Variants in MAP3K14 observed in about 807,000 individuals in gnomAD.
MAP3K14 encodes the protein mitogen-activated protein kinase kinase kinase 14.
In MAP3K14, 16 loss-of-function variants were observed where a neutral mutation model predicts 99.2. The ratio of observed to expected loss-of-function variants is 0.16; its 90% CI spans 0.11 to 0.24. The LOEUF is 0.24. Ranked by LOEUF, MAP3K14 falls within the 10% of genes least tolerant of loss-of-function variation. MAP3K14 has a pLI of 1.00. For missense variants in MAP3K14, 784 were observed against 1,208.7 expected (o/e 0.65, Z 5.21); for synonymous variants, 462 against 492.4 (o/e 0.94, Z 0.82).
chr17:45,291,211 C>G (rs1008780337), intron 1 of MAP3K14, among the ~76,000 whole-genome samples: 1 of 152,162 alleles, frequency 6.6e-6, no homozygotes, highest in East Asian at 1.9e-4. Flanking sequence ...TGGAGAGGAC[C>G]TGTTGGCACA....
chr17:45,273,546 A>G lies in MAP3K14; in HGVS notation c.1614T>C (p.Ala538=). Residue 538 remains alanine (A), a synonymous_variant, in exon 9 of 16, where the codon GCT becomes GCC. Transcript: ENST00000344686. ...SHAALCDFGH[A]VCLQPDGLGK... ...CCAGGCCATCAGGTTGAAGACACAC[A>G]GCATGGCCAAAGTCACAGAGGGCTG... is the stretch of plus-strand genomic sequence containing the variant. 1.9e-6 allele frequency: 3 copies of G among 1,613,598 alleles called. No individual in the cohort carries two copies. Among genetic ancestry groups the G allele is most frequent in the Non-Finnish European group, 2.5e-6 (3 of 1,179,774 alleles).
At position 45,286,848 on chromosome 17, in the gene MAP3K14, G is replaced by T; in HGVS notation, c.735C>A (p.Pro245=). The change falls in exon 5 of 16, where the codon CCC becomes CCA. Residue 245 remains proline (P), a synonymous_variant. Coordinates refer to ENST00000344686, the MANE Select transcript of MAP3K14 (RefSeq NM_003954.5). This position sits in a 1 kb window ranked among gnomAD's most constrained non-coding sequence, Gnocchi z 4.1. ...GCAGGGGCAGGGGGCCTCCGTCCTG[G>T]GGGTGGTGCAGTTTCCACACGTGGT... ...CLNHVWKLHH[P]QDGGPLPLPT... 1 of 1,613,990 alleles carries T rather than the reference G, an allele frequency of 6.2e-7. No individual in the cohort carries two copies. Among genetic ancestry groups the T allele is most frequent in the Middle Eastern group, 1.6e-4 (1 of 6,062 alleles).
chr17:45,267,684 T>A lies in MAP3K14; in HGVS notation c.2048A>T (p.His683Leu). ...TCTCGGCTGGGCATGGAGGGTCTGG[T>A]GGTAATTGGCTTGATTTGGCGGTGG... Reference protein sequence around the residue: ...RHPPPNQANYHQTLHAQPREL... With the variant: ...RHPPPNQANYLQTLHAQPREL... Residue 683 changes from histidine to leucine, a missense_variant, in exon 12 of 16, where the codon CAC becomes CTC. Coordinates refer to ENST00000344686, the MANE Select transcript of MAP3K14 (RefSeq NM_003954.5). The surrounding 1 kb of genome is among the most constrained non-coding windows in gnomAD (Gnocchi z 5.1). 6.2e-7 allele frequency: 1 copy of A among 1,613,694 alleles called. No individual in the cohort carries two copies. The highest frequency in any genetic ancestry group is 1.1e-5 in the South Asian group (1 of 91,068).
At chr17:45,292,186 C>T (rs1356235644) in intron 1 of MAP3K14, among the ~76,000 whole-genome samples, 2 of 152,240 alleles carry the variant, frequency 1.3e-5, no homozygotes, top group Admixed American at 1.3e-4. Context: ...GCTCCAGCTT[C>T]CTGCAAGGAT....
At position 45,284,873 on chromosome 17, in the gene MAP3K14, G is replaced by A; in HGVS notation, c.1229C>T (p.Ser410Phe). 6 of 1,578,160 alleles carry A rather than the reference G, an allele frequency of 3.8e-6. No homozygotes were observed. The highest frequency in any genetic ancestry group is 5.2e-6 in the Non-Finnish European group (6 of 1,161,916). Residue 410 changes from serine (S) to phenylalanine (F), a missense_variant, in exon 6 of 16, where the codon TCC becomes TTC. Physicochemically the swap from Ser to Phe is radical, Grantham distance 155. Coordinates refer to ENST00000344686, the MANE Select transcript of MAP3K14 (RefSeq NM_003954.5). ...ATHQLRLGRG[S>F]FGEVHRMEDK... is the part of the protein sequence containing the mutation. ...CTCCATCCTGTGCACCTCTCCGAAGGAGCCTCTGCCCAGGCGGAGCTGGTG... is the reference window on the plus strand; with the variant it reads ...CTCCATCCTGTGCACCTCTCCGAAGAAGCCTCTGCCCAGGCGGAGCTGGTG...
chr17:45,272,528 C>G lies in MAP3K14; in HGVS notation c.1657+975G>C, dbSNP rs912209436. ...TTCCAAAGATTCTTTTTCCGTTGGT[C>G]AAAATGAAATCATTTTATCCTTAAG... On this transcript the variant is annotated intron_variant, in intron 9 of 15. Transcript: ENST00000344686. The surrounding 1 kb of genome is among the most constrained non-coding windows in gnomAD (Gnocchi z 4.1). Among the ~76,000 whole-genome samples the G allele has an allele frequency of 6.6e-6, 1 of 152,064 alleles. No individual in the cohort carries two copies. Among genetic ancestry groups the G allele is most frequent in the African/African-American group, 2.4e-5 (1 of 41,410 alleles).
At chr17:45,284,522 C>A (rs2074291) in intron 6 of MAP3K14, among the ~76,000 whole-genome samples, 79,662 of 152,038 alleles carry the variant, frequency 0.52, 21,010 homozygotes, top group Non-Finnish European at 0.54. Context: ...CCATCTTCCA[C>A]GTTGGGACTT....
At chr17:45,274,633 G>A (rs2044165474) in intron 6 of MAP3K14, 40 bp from the exon 7 acceptor site, 1 of 1,603,916 alleles carries the variant, frequency 6.2e-7, no homozygotes, top group East Asian at 2.2e-5. Context: ...CAGGGTGAGG[G>A]GACCAGAGCT....
intron 1 of MAP3K14, among the ~76,000 whole-genome samples, chr17:45,311,429 C>T (rs2044478038): frequency 6.6e-6 from 1 of 152,168 alleles, no homozygotes; most frequent in African/African-American, 2.4e-5. Context: ...ATGTCCCTGA[C>T]CATAATCGGT....
intron 9 of MAP3K14, among the ~76,000 whole-genome samples, chr17:45,271,939 C>A (rs568668064): frequency 6.6e-6 from 1 of 152,210 alleles, no homozygotes; most frequent in South Asian, 2.1e-4. Flanking sequence ...GCGTAAAAGA[C>A]TGAAAGGATA....
intron 14 of MAP3K14, among the ~76,000 whole-genome samples, chr17:45,265,868 C>T (rs1293441916): frequency 6.6e-6 from 1 of 152,234 alleles, no homozygotes; most frequent in Non-Finnish European, 1.5e-5. Flanking sequence ...CTGGGGCTGG[C>T]TCCTATGGGG....
chr17:45,269,402 C>T (rs935282512), intron 11 of MAP3K14, among the ~76,000 whole-genome samples: 1 of 152,118 alleles, frequency 6.6e-6, no homozygotes, highest in Non-Finnish European at 1.5e-5. Context: ...TATATTTTAT[C>T]TTTAACCCCA....
Position 45,266,699 on chromosome 17 carries a change from G to A in MAP3K14, c.2434-18C>T, listed in dbSNP as rs2143767487. ...GATGGGTTCTGAAACAACAGGATTG[G>A]GTACGGGCTCAGGGCCCTGGGCTCC... On this transcript the variant is annotated intron_variant, in intron 13 of 15. Coordinates refer to ENST00000344686, the MANE Select transcript of MAP3K14 (RefSeq NM_003954.5). 1.3e-6 allele frequency: 2 copies of A among 1,598,550 alleles called. No homozygotes were observed. Among genetic ancestry groups the A allele is most frequent in the East Asian group, 4.5e-5 (2 of 44,436 alleles).
chr17:45,275,568 G>A (rs947956849), intron 6 of MAP3K14, among the ~76,000 whole-genome samples: 5 of 151,134 alleles, frequency 3.3e-5, no homozygotes, highest in South Asian at 4.2e-4. Flanking sequence ...CTGCTGGCAC[G>A]CTGTCCGCCC....
chr17:45,276,283 A>G (rs1363528683), intron 6 of MAP3K14, among the ~76,000 whole-genome samples: 1 of 152,174 alleles, frequency 6.6e-6, no homozygotes, highest in Non-Finnish European at 1.5e-5. Flanking sequence ...CTTGGATATA[A>G]ACATCTTGGG....
intron 13 of MAP3K14, 104 bp from the exon 14 acceptor site, chr17:45,266,785 T>C (rs1648889411): frequency 7.6e-7 from 1 of 1,307,342 alleles, no homozygotes; most frequent in Middle Eastern, 2.3e-4. Flanking sequence ...TGCCCTCAGC[T>C]GGAGGAGGGT....
In MAP3K14 at chr17:45,270,838, A is replaced by G. The variant is rs1598243852; in HGVS notation, c.1821+220T>C. 9 of 787,224 alleles carry G rather than the reference A, an allele frequency of 1.1e-5. No homozygotes were observed. In the East Asian group the frequency reaches 2.4e-4, roughly 21 times the overall value. 48.8% of individuals were successfully genotyped at this position (787,224 alleles called of 1,614,324 possible). A position where few individuals can be genotyped will look rare whatever the true frequency, so the allele number is the denominator to read the frequency against. ...TGGATGGGGCCCAGGGTATGGACAG[A>G]AGAGAGTTCTCACCTGCCATGAACT... On this transcript the variant is annotated intron_variant, in intron 10 of 15. Transcript: ENST00000344686.
intron 1 of MAP3K14, among the ~76,000 whole-genome samples, chr17:45,295,773 C>T (rs772532344): frequency 6.6e-6 from 1 of 152,182 alleles, no homozygotes; most frequent in African/African-American, 2.4e-5. Flanking sequence ...CGAATGAAGA[C>T]GAGTACATGA....
chr17:45,286,449 C>T lies in MAP3K14; in HGVS notation c.1134G>A (p.Glu378=), dbSNP rs1324250815. 4.3e-5 allele frequency: 69 copies of T among 1,598,586 alleles called. No homozygotes were observed. The highest frequency in any genetic ancestry group is 5.9e-5 in the Non-Finnish European group (69 of 1,170,488). ...REPSPKTEDN[E]GVLLTEKLKP... is the part of the protein sequence containing the mutation. ...TAGTTACCTCAGTGAGCAGGACACC[C>T]TCGTTGTCCTCAGTTTTGGGGCTGG... Residue 378 remains glutamate, a synonymous_variant, in exon 5 of 16, where the codon GAG becomes GAA. Transcript: ENST00000344686. The surrounding 1 kb of genome is among the most constrained non-coding windows in gnomAD (Gnocchi z 4.1).
Sources: allele counts gnomAD v4.1 joint callset (sites outside exome capture counted in the v4.1 genomes callset), GRCh38; gene constraint gnomAD v4.1.1; non-coding constraint Gnocchi (gnomAD v3.1); transcripts MANE v1.5; gene names NCBI Gene and HGNC (gene_info 2026-07-23, HGNC 2026-07-21).